TMEM59L: variants seen among roughly 807,000 people sequenced by gnomAD.
TMEM59L encodes transmembrane protein 59 like, also known as transmembrane protein 59-like.
A neutral mutation model predicts 39.6 loss-of-function variants in TMEM59L; 31 were observed. The ratio of observed to expected loss-of-function variants is 0.78; its 90% CI spans 0.59 to 1.06. The LOEUF (loss-of-function observed/expected upper bound fraction) is 1.06. TMEM59L is among the 50% of genes least tolerant of loss of function. The pLI, the probability that TMEM59L is intolerant of heterozygous loss-of-function variation, is 0.00. For synonymous variants in TMEM59L, 219 were observed against 202.9 expected (o/e 1.08, Z -0.68); for missense variants, 441 against 451.3 (o/e 0.98, Z 0.21).
At position 18,620,398 on chromosome 19, in the gene TMEM59L, C is replaced by T. The variant is rs1324456966; in HGVS notation, c.901-10C>T. On this transcript the variant is annotated splice_polypyrimidine_tract_variant and intron_variant, in intron 7 of 7. Coordinates refer to ENST00000262817, the MANE Select transcript of TMEM59L (RefSeq NM_012109.3). ...TCCCTCCACTTCCCTCCTCCCCTCT[C>T]TTCCTGCAGCCTCTGACCCTGGAGC... The T allele has an allele frequency of 6.2e-7, 1 of 1,605,642 alleles. No individual in the cohort carries two copies. The highest frequency in any genetic ancestry group is 8.5e-7 in the Non-Finnish European group (1 of 1,174,930).
At chr19:18,617,365 A>C (rs1404711957) in intron 5 of TMEM59L, 9 of 573,156 alleles carry the variant, frequency 1.6e-5, no homozygotes, top group Non-Finnish European at 3.0e-5. Context: ...TCTATTTACC[A>C]GGGATCCGTG....
chr19:18,620,021 A>ACACACACAC (rs1568447920), intron 7 of TMEM59L, among the ~76,000 whole-genome samples: 2 of 136,998 alleles, frequency 1.5e-5, no homozygotes, highest in Non-Finnish European at 3.2e-5. Context: ...ACACACACAC[A>ACACACACAC]AAAGTCCAGG....
intron 3 of TMEM59L, among the ~76,000 whole-genome samples, chr19:18,614,601 TC>T (rs1022074066): frequency 6.6e-6 from 1 of 152,186 alleles, no homozygotes; most frequent in African/African-American, 2.4e-5. Context: ...CTGTGGCCAC[TC>T]CTCACCTCAC....
Position 18,620,421 on chromosome 19 carries a change from A to G in TMEM59L, c.914A>G (p.Glu305Gly). The change falls in exon 8 of 8, where the codon GAG becomes GGG. Residue 305 changes from glutamate to glycine, a missense_variant. Glu to Gly is a moderately conservative substitution (Grantham distance 98). Coordinates refer to ENST00000262817, the MANE Select transcript of TMEM59L (RefSeq NM_012109.3). ...CTCTTCCTGCAGCCTCTGACCCTGG[A>G]GCAGCACAAGGGCTTCATGATGGAG... is the stretch of plus-strand genomic sequence containing the variant. ...QHLKFQPLTL[E>G]QHKGFMMEPD... 6.2e-7 allele frequency: 1 copy of G among 1,612,526 alleles called. No homozygotes were observed. The highest frequency in any genetic ancestry group is 8.5e-7 in the Non-Finnish European group (1 of 1,179,636).
intron 4 of TMEM59L, among the ~76,000 whole-genome samples, 193 bp downstream of exon 4, chr19:18,616,320 G>A (rs532221417): frequency 6.6e-6 from 1 of 152,266 alleles, no homozygotes; most frequent in African/African-American, 2.4e-5. Flanking sequence ...TCATTCCCAG[G>A]CATTTACTTC....
chr19:18,619,101 C>T (rs1051977685), intron 7 of TMEM59L, among the ~76,000 whole-genome samples: 1 of 152,140 alleles, frequency 6.6e-6, no homozygotes, highest in Non-Finnish European at 1.5e-5. Context: ...AAGCAATCCT[C>T]CTGCCTCAGC....
chr19:18,616,910 G>A (rs751094821), intron 4 of TMEM59L, 90 bp from the exon 5 acceptor site: 75 of 944,824 alleles, frequency 7.9e-5, no homozygotes, highest in Non-Finnish European at 1.2e-4. Context: ...GTATCAGCTG[G>A]GCGTGGGACA....
rs1302865612 is a variant in TMEM59L, at chr19:18,616,028, C to A, written c.462C>A (p.Ser154=). The A allele has an allele frequency of 6.2e-7, 1 of 1,614,098 alleles. No homozygotes were observed. Among genetic ancestry groups the A allele is most frequent in the Non-Finnish European group, 8.5e-7 (1 of 1,180,000 alleles). Residue 154 remains serine (S), a synonymous_variant, in exon 4 of 8, where the codon TCC becomes TCA. Coordinates refer to ENST00000262817, the MANE Select transcript of TMEM59L (RefSeq NM_012109.3). Reference sequence around the variant, plus strand: ...CCCTCTCCCTCTTGGACTTGTTTTCCACCCTCTGCAATGACCTTGTCAACT... The same window carrying A: ...CCCTCTCCCTCTTGGACTTGTTTTCAACCCTCTGCAATGACCTTGTCAACT... The part of the protein sequence containing the change: ...SGALSLLDLF[S]TLCNDLVNSA...
rs1209575989 is a variant in TMEM59L, at chr19:18,620,527, C to T, written c.1020C>T (p.Thr340=). 6.2e-7 allele frequency: 1 copy of T among 1,613,500 alleles called. No homozygotes were observed. The highest frequency in any genetic ancestry group is 1.3e-5 in the African/African-American group (1 of 74,946). The change falls in exon 8 of 8, where the codon ACC becomes ACT. Residue 340 remains threonine (T), a synonymous_variant. Coordinates refer to ENST00000262817, the MANE Select transcript of TMEM59L (RefSeq NM_012109.3). ...LPPYKLKLDL[T]KL The stretch of plus-strand genomic sequence containing the variant: ...CCTACAAGCTGAAGCTGGACCTGAC[C>T]AAGCTGTAGGCCTCCACTGGCCCCA...
intron 5 of TMEM59L, 100 bp from the exon 6 acceptor site, chr19:18,618,055 G>T: frequency 1.2e-6 from 1 of 851,206 alleles, no homozygotes; most frequent in South Asian, 1.5e-5. Flanking sequence ...TCCATTCCAG[G>T]ACTCTATGCC....
At chr19:18,616,679 C>T (rs545462759) in intron 4 of TMEM59L, among the ~76,000 whole-genome samples, 1 of 152,310 alleles carries the variant, frequency 6.6e-6, no homozygotes, top group African/African-American at 2.4e-5. Flanking sequence ...AGGCATGAGC[C>T]ACTGCCCCGG....
chr19:18,614,312 C>T, intron 3 of TMEM59L, 117 bp downstream of exon 3: 2 of 1,182,524 alleles, frequency 1.7e-6, no homozygotes, highest in Non-Finnish European at 2.4e-6. Flanking sequence ...CTATACCAGG[C>T]CTGCAGGGCA....
intron 1 of TMEM59L, among the ~76,000 whole-genome samples, chr19:18,613,382 G>C (rs1259187648): frequency 2.0e-5 from 3 of 152,020 alleles, no homozygotes; most frequent in Non-Finnish European, 4.4e-5. Context: ...TCCGCACTCT[G>C]CTGGGTAAGG....
chr19:18,613,056 C>A lies in TMEM59L; in HGVS notation c.98C>A (p.Ala33Asp). 1.4e-6 allele frequency: 2 copies of A among 1,385,498 alleles called. No individual in the cohort carries two copies. Among genetic ancestry groups the A allele is most frequent in the Non-Finnish European group, 1.9e-6 (2 of 1,071,930 alleles). 85.8% of individuals were successfully genotyped at this position (1,385,498 alleles called of 1,614,324 possible). The change falls in exon 1 of 8, where the codon GCC becomes GAC. Residue 33 changes from alanine (A) to aspartate (D), a missense_variant. Transcript: ENST00000262817. ...ASAPSARDPF[A>D]PQLGDTQNCQ... ...GCGCCGTCCGCCCGCGATCCCTTCG[C>A]CCCCCAGCTCGGGGACACGCAGAAC...
intron 1 of TMEM59L, among the ~76,000 whole-genome samples, 199 bp downstream of exon 1, chr19:18,613,328 G>A (rs1976390780): frequency 6.6e-6 from 1 of 152,064 alleles, no homozygotes; most frequent in African/African-American, 2.4e-5. Context: ...GCTTGGGGAT[G>A]CAGGTCCTTG....
intron 3 of TMEM59L, among the ~76,000 whole-genome samples, chr19:18,614,750 C>G (rs1976410069): frequency 6.6e-6 from 1 of 152,246 alleles, no homozygotes; most frequent in Non-Finnish European, 1.5e-5. Context: ...CACGCACACA[C>G]TGCCTTATGG....
intron 1 of TMEM59L, among the ~76,000 whole-genome samples, 191 bp from the exon 2 acceptor site, chr19:18,613,681 C>T (rs1452213160): frequency 1.3e-5 from 2 of 152,172 alleles, no homozygotes; most frequent in Non-Finnish European, 2.9e-5. Context: ...TTCTCAAGCT[C>T]CCTCCCCATC....
rs1236767263 is a variant in TMEM59L, at chr19:18,620,640, C to G, written c.*104C>G. 7.0e-7 allele frequency: 1 copy of G among 1,424,182 alleles called. No homozygotes were observed. 88.2% of individuals were successfully genotyped at this position (1,424,182 alleles called of 1,614,324 possible). ...AGGGTGGGTCCAGCCTTGAGCCCCT[C>G]CACCCCCAAATCCTTCCTCTCCTCC... On this transcript the variant is annotated 3_prime_UTR_variant, in exon 8 of 8. Transcript: ENST00000262817.
At position 18,613,912 on chromosome 19, in the gene TMEM59L, C is replaced by A. The variant is rs1437639125; in HGVS notation, c.212C>A (p.Ala71Asp). 1 of 1,613,008 alleles carries A rather than the reference C, an allele frequency of 6.2e-7. No individual in the cohort carries two copies. The highest frequency in any genetic ancestry group is 8.5e-7 in the Non-Finnish European group (1 of 1,180,016). ...EGASESPYDR[A>D]VLISACERGC... ...GCCTCCGAGTCTCCCTATGACAGAG[C>A]CGTTCTGATCAGCGCTTGCGAGCGT... Residue 71 changes from alanine (A) to aspartate (D), a missense_variant, in exon 2 of 8, where the codon GCC becomes GAC. Ala to Asp is a moderately radical substitution (Grantham distance 126). Coordinates refer to ENST00000262817, the MANE Select transcript of TMEM59L (RefSeq NM_012109.3).
Sources: gnomAD v4.1 joint callset for allele counts (sites outside exome capture counted in the v4.1 genomes callset) on GRCh38, gnomAD v4.1.1 for gene constraint, MANE v1.5 for transcripts, NCBI Gene and HGNC (gene_info 2026-07-23, HGNC 2026-07-21) for gene names.